Variants in NT5C3A observed in about 807,000 individuals in gnomAD.
NT5C3A encodes 5'-nucleotidase, cytosolic IIIA, also known as cytosolic 5'-nucleotidase 3A.
In NT5C3A, 23 loss-of-function variants were observed where a neutral mutation model predicts 40.0. That is an observed-to-expected ratio of 0.58 (90% CI 0.41 to 0.81). The LOEUF (loss-of-function observed/expected upper bound fraction) is 0.81. NT5C3A is among the 40% of genes least tolerant of loss of function. The probability of loss-of-function intolerance (pLI) is 0.00; values close to 1 mark genes in which losing one functional copy is unlikely to be tolerated. For synonymous variants in NT5C3A, 130 were observed against 141.4 expected (o/e 0.92, Z 0.57); for missense variants, 328 against 403.0 (o/e 0.81, Z 1.59).
At chr7:33,027,042 C>A in intron 1 of NT5C3A, 127 bp from the exon 2 acceptor site, 1 of 637,854 alleles carries the variant, frequency 1.6e-6, no homozygotes, top group Non-Finnish European at 2.7e-6. Context: ...AAAAAGCAAG[C>A]CACCACATCA....
chr7:33,020,873 C>A lies in NT5C3A; in HGVS notation c.440+399G>T, dbSNP rs1785588530. 2.0e-5 allele frequency among the ~76,000 whole-genome samples: 3 copies of A among 151,286 alleles called. No homozygotes were observed. In the South Asian group the frequency reaches 6.2e-4, roughly 31 times the overall value. On this transcript the variant is annotated intron_variant, in intron 5 of 8. Transcript: ENST00000610140. ...TCAGTGTGATCTGCCTGGAACACTG[C>A]ATTTTGATTAATGCAACCAAAGGTC...
intron 1 of NT5C3A, among the ~76,000 whole-genome samples, chr7:33,030,393 G>C (rs998167843): frequency 6.6e-6 from 1 of 152,060 alleles, no homozygotes; most frequent in African/African-American, 2.4e-5. Context: ...GACTTGGTTT[G>C]GTGGCATATA....
At chr7:33,055,156 C>A (rs1787521936) in intron 1 of NT5C3A, among the ~76,000 whole-genome samples, 1 of 152,108 alleles carries the variant, frequency 6.6e-6, no homozygotes, top group African/African-American at 2.4e-5. Context: ...GAAACCTCAT[C>A]TCTCCTAAAA....
chr7:33,019,140 A>G (rs1449118954), intron 6 of NT5C3A, among the ~76,000 whole-genome samples: 1 of 152,030 alleles, frequency 6.6e-6, no homozygotes, highest in South Asian at 2.1e-4. Flanking sequence ...CTGTAGTCCC[A>G]GCTACTTGAG....
At chr7:33,041,215 T>C (rs1008092389) in intron 1 of NT5C3A, 1 of 840,614 alleles carries the variant, frequency 1.2e-6, no homozygotes, top group African/African-American at 1.8e-5. Flanking sequence ...ACCTGGTTTG[T>C]CAGTGGTTTG....
At chr7:33,033,576 T>C (rs2128003531) in intron 1 of NT5C3A, among the ~76,000 whole-genome samples, 1 of 152,228 alleles carries the variant, frequency 6.6e-6, no homozygotes, top group East Asian at 1.9e-4. Flanking sequence ...AATTAATACA[T>C]TGCCAAGATG....
chr7:33,023,896 A>C, intron 3 of NT5C3A, 143 bp downstream of exon 3: 1 of 635,922 alleles, frequency 1.6e-6, no homozygotes, highest in South Asian at 1.8e-5. Context: ...AACCTCAAAA[A>C]TATAATAAGA....
intron 1 of NT5C3A, among the ~76,000 whole-genome samples, chr7:33,046,854 A>G (rs1026398391): frequency 6.7e-6 from 1 of 149,630 alleles, no homozygotes; most frequent in African/African-American, 2.5e-5. Context: ...CCCAAGCTGG[A>G]GTGCAGTGGT....
At chr7:33,041,590 T>C (rs779537003) in intron 1 of NT5C3A, among the ~76,000 whole-genome samples, 1 of 152,106 alleles carries the variant, frequency 6.6e-6, no homozygotes, top group African/African-American at 2.4e-5. Context: ...CAAAGGGCAG[T>C]GGGATTTAAA....
intron 1 of NT5C3A, among the ~76,000 whole-genome samples, chr7:33,062,195 G>A (rs1228387999): frequency 6.6e-6 from 1 of 152,150 alleles, no homozygotes; most frequent in East Asian, 1.9e-4. Flanking sequence ...AGCAAGGCAG[G>A]GAGAGAAGGA....
chr7:33,040,083 T>G (rs930258308), intron 1 of NT5C3A, among the ~76,000 whole-genome samples: 19 of 152,162 alleles, frequency 1.2e-4, no homozygotes, highest in African/African-American at 4.6e-4. Flanking sequence ...TGAGTTCTTC[T>G]GTCCTTGAAT....
intron 3 of NT5C3A, 62 bp downstream of exon 3, chr7:33,023,977 A>T: frequency 1.0e-6 from 1 of 970,520 alleles, no homozygotes; most frequent in Non-Finnish European, 1.7e-6. Flanking sequence ...AGGTAATATA[A>T]AGAGGATCTT....
At chr7:33,051,161 TTTTA>T (rs1456713607) in intron 1 of NT5C3A, among the ~76,000 whole-genome samples, 1 of 152,088 alleles carries the variant, frequency 6.6e-6, no homozygotes, top group African/African-American at 2.4e-5. Flanking sequence ...TATTTTTATT[TTTTA>T]TTTATTTATT....
chr7:33,032,175 G>T (rs1229065026), intron 1 of NT5C3A, among the ~76,000 whole-genome samples: 1 of 152,002 alleles, frequency 6.6e-6, no homozygotes, highest in Non-Finnish European at 1.5e-5. Context: ...TCTAATACCA[G>T]CACTTTGGGA....
intron 2 of NT5C3A, 94 bp downstream of exon 2, chr7:33,026,723 G>C: frequency 1.2e-6 from 1 of 840,336 alleles, no homozygotes; most frequent in East Asian, 2.5e-5. Context: ...CGAACTCCTG[G>C]GCTCAAGTGA....
At chr7:33,027,047 A>G in intron 1 of NT5C3A, 132 bp from the exon 2 acceptor site, 1 of 622,960 alleles carries the variant, frequency 1.6e-6, no homozygotes, top group Non-Finnish European at 2.8e-6. Flanking sequence ...GCAAGCCACC[A>G]CATCAAATTA....
At position 33,021,355 on chromosome 7, in the gene NT5C3A, T is replaced by C; in HGVS notation, c.357A>G (p.Leu119=). 1.2e-6 allele frequency: 2 copies of C among 1,610,098 alleles called. No homozygotes were observed. The highest frequency in any genetic ancestry group is 1.7e-6 in the Non-Finnish European group (2 of 1,177,280). Residue 119 remains leucine, a splice_region_variant and synonymous_variant, in exon 5 of 9, where the codon TTA becomes TTG. Coordinates refer to ENST00000610140, the MANE Select transcript of NT5C3A (RefSeq NM_001002010.5). Reference sequence around the variant, plus strand: ...CGTAATATTTTTCCTTTAGTTGCAATAACTAGGAAGATATGAATAACTTAA... The same window carrying C: ...CGTAATATTTTTCCTTTAGTTGCAACAACTAGGAAGATATGAATAACTTAA... ...KLVTDECRKK[L]LQLKEKYYAI...
At chr7:33,036,458 C>CTTT in intron 1 of NT5C3A, 1 of 159,344 alleles carries the variant, frequency 6.3e-6, no homozygotes, top group Non-Finnish European at 1.4e-5. Flanking sequence ...CATAAAGCAT[C>CTTT]TTTTTTTTTT....
chr7:33,062,728 C>G lies in NT5C3A; in HGVS notation c.-23G>C. On this transcript the variant is annotated 5_prime_UTR_variant, in exon 1 of 9. Transcript: ENST00000610140. ...CATGGACGGGGCCCTCATGCGCGTC[C>G]AAGCAGGAAAAAAACAGGCAGCTCG... The G allele has an allele frequency of 1.3e-6, 2 of 1,552,964 alleles. No homozygotes were observed. The highest frequency in any genetic ancestry group is 2.7e-5 in the African/African-American group (2 of 73,136).
Sources: gnomAD v4.1 joint callset for allele counts (sites outside exome capture counted in the v4.1 genomes callset) on GRCh38, gnomAD v4.1.1 for gene constraint, MANE v1.5 for transcripts, NCBI Gene and HGNC (gene_info 2026-07-23, HGNC 2026-07-21) for gene names.